AGAP1: variants seen among roughly 807,000 people sequenced by gnomAD.
AGAP1 encodes ArfGAP with GTPase domain, ankyrin repeat and PH domain 1.
A neutral mutation model predicts 105.3 loss-of-function variants in AGAP1; 29 were observed. That is an observed-to-expected ratio of 0.28 (90% CI 0.21 to 0.38). The LOEUF is 0.38. AGAP1 is among the 10% of genes least tolerant of loss of function. AGAP1 has a pLI of 1.00. For missense variants in AGAP1, 998 were observed against 1,165.1 expected (o/e 0.86, Z 2.09); for synonymous variants, 509 against 485.9 (o/e 1.05, Z -0.63).
In AGAP1 at chr2:235,900,680, C is replaced by T. The variant is rs2051024502; in HGVS notation, c.1156-8058C>T. Among the ~76,000 whole-genome samples the T allele has an allele frequency of 6.6e-6, 1 of 152,154 alleles. No individual in the cohort carries two copies. The highest frequency in any genetic ancestry group is 2.4e-5 in the African/African-American group (1 of 41,434). On this transcript the variant is annotated intron_variant, in intron 10 of 17. Transcript: ENST00000304032. The surrounding 1 kb of genome is among the most constrained non-coding windows in gnomAD (Gnocchi z 5.5). ...GCATTGTAATTGTGACTTCAAAAGGCCATTCCACCATTCTATTAATCCAGC... is the reference window on the plus strand; with the variant it reads ...GCATTGTAATTGTGACTTCAAAAGGTCATTCCACCATTCTATTAATCCAGC...
intron 11 of AGAP1, among the ~76,000 whole-genome samples, chr2:235,916,564 A>C (rs913401127): frequency 1.3e-5 from 2 of 152,194 alleles, no homozygotes; most frequent in Non-Finnish European, 2.9e-5. Flanking sequence ...CAAATCACTG[A>C]ATAGAATCCC....
At position 236,105,594 on chromosome 2, in the gene AGAP1, C is replaced by T. The variant is rs1452854424; in HGVS notation, c.2115-14598C>T. Among the ~76,000 whole-genome samples the T allele has an allele frequency of 7.3e-6, 1 of 136,242 alleles. No homozygotes were observed. The highest frequency in any genetic ancestry group is 1.5e-5 in the Non-Finnish European group (1 of 65,352). The allele number at this position is 136,242 out of a possible 152,430, so 89.4% of individuals were successfully genotyped here. On this transcript the variant is annotated intron_variant, in intron 16 of 17. Transcript: ENST00000304032. The surrounding 1 kb of genome is among the most constrained non-coding windows in gnomAD (Gnocchi z 4.2). ...TTTTTGAGACACAGTCTCGCTCTGT[C>T]ACCCAGGCTGCAGTGCAGTGGCGTG...
chr2:236,050,206 GA>G lies in AGAP1; in HGVS notation c.2114+928del, dbSNP rs1358240580. Among the ~76,000 whole-genome samples, 1 of 152,222 alleles carries G rather than the reference GA, an allele frequency of 6.6e-6. No individual in the cohort carries two copies. The highest frequency in any genetic ancestry group is 2.4e-5 in the African/African-American group (1 of 41,454). ...AGTGGTAATCTGTGGTTACGCCACA[GA>G]AACCGGTTTCTACTGCAGAGCAGTA... On this transcript the variant is annotated intron_variant, in intron 16 of 17. Transcript: ENST00000304032. This position sits in a 1 kb window ranked among gnomAD's most constrained non-coding sequence, Gnocchi z 4.0.
rs1479477555 is a variant in AGAP1, at chr2:235,976,744, G to A, written c.1645+8121G>A. On this transcript the variant is annotated intron_variant, in intron 13 of 17. Transcript: ENST00000304032. The surrounding 1 kb of genome is among the most constrained non-coding windows in gnomAD (Gnocchi z 4.5). ...GAACTTGGTTATGCAGGAGCACAGGGCACCCCCAGCTGCCTGGAGGACCTC... is the reference window on the plus strand; with the variant it reads ...GAACTTGGTTATGCAGGAGCACAGGACACCCCCAGCTGCCTGGAGGACCTC... Among the ~76,000 whole-genome samples, 2 of 152,144 alleles carry A rather than the reference G, an allele frequency of 1.3e-5. No individual in the cohort carries two copies. Among genetic ancestry groups the A allele is most frequent in the East Asian group, 3.9e-4 (2 of 5,174 alleles).
intron 1 of AGAP1, among the ~76,000 whole-genome samples, chr2:235,652,763 G>A (rs956837407): frequency 4.6e-5 from 7 of 152,096 alleles, no homozygotes; most frequent in Non-Finnish European, 1.0e-4. Flanking sequence ...GTGGTGGCGG[G>A]TGCCTGTAAT....
intron 2 of AGAP1, among the ~76,000 whole-genome samples, chr2:235,710,438 C>T (rs1950792600): frequency 6.6e-6 from 1 of 152,186 alleles, no homozygotes. Flanking sequence ...TCTGACACAC[C>T]CATCCCCACC....
Position 235,957,723 on chromosome 2 carries a change from CAGAA to C in AGAP1, c.1484-10734_1484-10731del, listed in dbSNP as rs1019983643. ...CCGGCCTACACATCTCTGTAAGCTTCAGAAAGAACAGAGCCCTTATTAAAGATCC... is the reference window on the plus strand; with the variant it reads ...CCGGCCTACACATCTCTGTAAGCTTCAGAACAGAGCCCTTATTAAAGATCC... On this transcript the variant is annotated intron_variant, in intron 12 of 17. Coordinates refer to ENST00000304032, the MANE Select transcript of AGAP1 (RefSeq NM_001037131.3). The surrounding 1 kb of genome is among the most constrained non-coding windows in gnomAD (Gnocchi z 4.6). Among the ~76,000 whole-genome samples, 84 of 152,158 alleles carry C rather than the reference CAGAA, an allele frequency of 5.5e-4. No individual in the cohort carries two copies. Among genetic ancestry groups the C allele is most frequent in the Non-Finnish European group, 1.3e-4 (9 of 68,028 alleles).
At position 235,733,840 on chromosome 2, in the gene AGAP1, A is replaced by T. The variant is rs1004655572; in HGVS notation, c.311-7123A>T. Reference sequence around the variant, plus strand: ...TACTTTGTATTTTACAATGTAAATTAAAAAAAAAAGTTGGGAGAGGAAGTG... The same window carrying T: ...TACTTTGTATTTTACAATGTAAATTTAAAAAAAAAGTTGGGAGAGGAAGTG... On this transcript the variant is annotated intron_variant, in intron 3 of 17. Coordinates refer to ENST00000304032, the MANE Select transcript of AGAP1 (RefSeq NM_001037131.3). The surrounding 1 kb of genome is among the most constrained non-coding windows in gnomAD (Gnocchi z 5.0). Among the ~76,000 whole-genome samples the T allele has an allele frequency of 3.3e-5, 5 of 149,516 alleles. No homozygotes were observed. Among genetic ancestry groups the T allele is most frequent in the East Asian group, 3.9e-4 (2 of 5,132 alleles).
At chr2:235,567,166 G>C (rs1348507813) in intron 1 of AGAP1, among the ~76,000 whole-genome samples, 1 of 152,262 alleles carries the variant, frequency 6.6e-6, no homozygotes, top group African/African-American at 2.4e-5. Context: ...CCACCCCCAG[G>C]CCAGCGGGCA....
chr2:235,847,942 A>C (rs573883720), intron 9 of AGAP1, among the ~76,000 whole-genome samples: 1 of 152,358 alleles, frequency 6.6e-6, no homozygotes, highest in East Asian at 1.9e-4. Context: ...ATGTTTTCAC[A>C]GTCTGGTTAA....
In AGAP1 at chr2:235,552,907, C is replaced by T. The variant is rs763619282; in HGVS notation, c.163+58058C>T. Among the ~76,000 whole-genome samples the T allele has an allele frequency of 9.9e-5, 15 of 152,170 alleles. No homozygotes were observed. Among genetic ancestry groups the T allele is most frequent in the East Asian group, 1.9e-4 (1 of 5,190 alleles). ...GGGCTCAAGGAGTGCAGAGAGGCAG[C>T]GCCTGCCTTGGTCGTAACTTCTCAC... On this transcript the variant is annotated intron_variant, in intron 1 of 17. Coordinates refer to ENST00000304032, the MANE Select transcript of AGAP1 (RefSeq NM_001037131.3). This position sits in a 1 kb window ranked among gnomAD's most constrained non-coding sequence, Gnocchi z 5.9.
rs1050614910 is a variant in AGAP1 at position 235,957,981 on chromosome 2, G to A, written c.1484-10481G>A. Among the ~76,000 whole-genome samples, 1 of 152,172 alleles carries A rather than the reference G, an allele frequency of 6.6e-6. No homozygotes were observed. Among genetic ancestry groups the A allele is most frequent in the Admixed American group, 6.5e-5 (1 of 15,282 alleles). On this transcript the variant is annotated intron_variant, in intron 12 of 17. Transcript: ENST00000304032. This position sits in a 1 kb window ranked among gnomAD's most constrained non-coding sequence, Gnocchi z 4.6. The stretch of plus-strand genomic sequence containing the variant: ...CTGCCAAATAGGTAAATTAAGGTGT[G>A]GGTGGAAGTCAGCAGGGGCAGGGGG...
chr2:235,868,740 A>C (rs1327293775), intron 9 of AGAP1, among the ~76,000 whole-genome samples: 1 of 152,236 alleles, frequency 6.6e-6, no homozygotes, highest in Admixed American at 6.5e-5. Context: ...GCTGCAGCAA[A>C]CACTGAGTGA....
intron 1 of AGAP1, among the ~76,000 whole-genome samples, chr2:235,565,392 G>A (rs929315973): frequency 1.3e-5 from 2 of 152,226 alleles, no homozygotes; most frequent in African/African-American, 4.8e-5. Flanking sequence ...TGTTTTATAG[G>A]AATGAAGGGG....
intron 13 of AGAP1, among the ~76,000 whole-genome samples, chr2:236,016,949 CAT>C (rs990149712): frequency 5.0e-4 from 76 of 152,240 alleles, no homozygotes; most frequent in African/African-American, 1.7e-3. Flanking sequence ...TTAAGATTAA[CAT>C]GTGTACACAT....
chr2:235,674,613 C>T (rs977400623), intron 1 of AGAP1, among the ~76,000 whole-genome samples: 2 of 152,040 alleles, frequency 1.3e-5, no homozygotes, highest in Non-Finnish European at 2.9e-5. Flanking sequence ...TGATTTTTGA[C>T]AGCACATTTT....
In AGAP1 at chr2:236,073,381, C is replaced by G. The variant is rs1014424967; in HGVS notation, c.2114+24100C>G. Among the ~76,000 whole-genome samples, 2 of 152,168 alleles carry G rather than the reference C, an allele frequency of 1.3e-5. No homozygotes were observed. The highest frequency in any genetic ancestry group is 1.5e-5 in the Non-Finnish European group (1 of 68,030). ...CCATTAGGACTAGCCACGTTTCAAG[C>G]ATCTGATGGCCACATGTGGCCCATG... is the stretch of plus-strand genomic sequence containing the variant. On this transcript the variant is annotated intron_variant, in intron 16 of 17. Coordinates refer to ENST00000304032, the MANE Select transcript of AGAP1 (RefSeq NM_001037131.3). This position sits in a 1 kb window ranked among gnomAD's most constrained non-coding sequence, Gnocchi z 5.4.
Position 236,061,012 on chromosome 2 carries a change from G to A in AGAP1, c.2114+11731G>A, listed in dbSNP as rs1477916185. On this transcript the variant is annotated intron_variant, in intron 16 of 17. Coordinates refer to ENST00000304032, the MANE Select transcript of AGAP1 (RefSeq NM_001037131.3). The surrounding 1 kb of genome is among the most constrained non-coding windows in gnomAD (Gnocchi z 4.1). ...CAGGAGTTTGAGGTTGCAGTGAGCC[G>A]TTATCACGTCACTCCACTCTAGCCT... 5.9e-5 allele frequency among the ~76,000 whole-genome samples: 9 copies of A among 152,282 alleles called. No homozygotes were observed. The highest frequency in any genetic ancestry group is 5.9e-5 in the Non-Finnish European group (4 of 68,024).
chr2:235,610,309 C>T lies in AGAP1; in HGVS notation c.164-98870C>T, dbSNP rs745888287. Among the ~76,000 whole-genome samples, 8 of 152,178 alleles carry T rather than the reference C, an allele frequency of 5.3e-5. No individual in the cohort carries two copies. The highest frequency in any genetic ancestry group is 1.2e-4 in the African/African-American group (5 of 41,454). On this transcript the variant is annotated intron_variant, in intron 1 of 17. Coordinates refer to ENST00000304032, the MANE Select transcript of AGAP1 (RefSeq NM_001037131.3). The surrounding 1 kb of genome is among the most constrained non-coding windows in gnomAD (Gnocchi z 4.9). ...TCGTCATCTTGGAGTCCACCGTGCA[C>T]TTGTCCGCTTGGGCTGCCATAACAA...
Sources: gnomAD v4.1 joint callset for allele counts (sites outside exome capture counted in the v4.1 genomes callset) on GRCh38, gnomAD v4.1.1 for gene constraint, Gnocchi (gnomAD v3.1) non-coding constraint, MANE v1.5 for transcripts, NCBI Gene and HGNC (gene_info 2026-07-23, HGNC 2026-07-21) for gene names.